The following SAMMSON variants were observed in gnomAD, a reference collection of about 807,000 sequenced individuals.
SAMMSON encodes the protein survival associated mitochondrial melanoma specific oncogenic non-coding RNA, also known as long intergenic non-protein coding RNA 1212.
intron 7 of SAMMSON, among the ~76,000 whole-genome samples, chr3:70,303,471 T>G (rs778852887): frequency 6.6e-6 from 1 of 152,300 alleles, no homozygotes; most frequent in Middle Eastern, 3.4e-3. Context: ...TATCTTGCTC[T>G]TAGGCTCACC....
intron 9 of SAMMSON, among the ~76,000 whole-genome samples, chr3:70,384,569 C>G (rs1488948702): frequency 6.6e-6 from 1 of 151,950 alleles, no homozygotes; most frequent in Non-Finnish European, 1.5e-5. Context: ...GGGCTTGAGG[C>G]AAATTATTGT....
chr3:70,353,553 TA>T (rs534027694), intron 7 of SAMMSON, among the ~76,000 whole-genome samples: 267 of 151,484 alleles, frequency 1.8e-3, no homozygotes, highest in African/African-American at 6.2e-3. Context: ...ATGGCTAAAA[TA>T]AAAAAAATAG....
chr3:70,096,322 T>C (rs2067322700), intron 4 of SAMMSON, among the ~76,000 whole-genome samples: 1 of 152,140 alleles, frequency 6.6e-6, no homozygotes, highest in Non-Finnish European at 1.5e-5. Flanking sequence ...GGTGGAAGGA[T>C]AGCTTGAGGC....
intron 1 of SAMMSON, among the ~76,000 whole-genome samples, chr3:70,011,148 A>G (rs1244886749): frequency 6.6e-6 from 1 of 152,162 alleles, no homozygotes; most frequent in Non-Finnish European, 1.5e-5. Flanking sequence ...GATACATAAT[A>G]GTTTTACATA....
intron 2 of SAMMSON, among the ~76,000 whole-genome samples, chr3:70,428,879 T>C (rs927276835): frequency 6.6e-5 from 10 of 152,360 alleles, no homozygotes; most frequent in East Asian, 5.8e-4. Context: ...TCAGTAATTA[T>C]ACAATGTCAA....
At chr3:70,202,889 A>G (rs1375980391) in intron 4 of SAMMSON, among the ~76,000 whole-genome samples, 2 of 152,106 alleles carry the variant, frequency 1.3e-5, no homozygotes, top group African/African-American at 2.4e-5. Flanking sequence ...ATTAGAGTGG[A>G]AAAGGTGGCA....
At chr3:70,291,595 G>T (rs1702240378) in intron 7 of SAMMSON, among the ~76,000 whole-genome samples, 1 of 152,014 alleles carries the variant, frequency 6.6e-6, no homozygotes, top group Non-Finnish European at 1.5e-5. Context: ...CACAGTGCTG[G>T]GAACATCGGA....
intron 2 of SAMMSON, among the ~76,000 whole-genome samples, chr3:70,395,891 A>G (rs1203447715): frequency 6.6e-6 from 1 of 152,160 alleles, no homozygotes; most frequent in Non-Finnish European, 1.5e-5. Context: ...TGGAAACCAG[A>G]CAACCTGGGT....
intron 3 of SAMMSON, among the ~76,000 whole-genome samples, chr3:70,038,479 A>C (rs188859142): frequency 6.6e-6 from 1 of 152,134 alleles, no homozygotes; most frequent in Admixed American, 6.6e-5. Context: ...CATGAGCCAC[A>C]TAAACATCTT....
At chr3:70,266,365 AC>A (rs1701917186) in intron 6 of SAMMSON, among the ~76,000 whole-genome samples, 1 of 152,000 alleles carries the variant, frequency 6.6e-6, no homozygotes, top group African/African-American at 2.4e-5. Flanking sequence ...TTTTGGGGCA[AC>A]TGTAACTGCT....
chr3:70,089,443 G>T (rs1293385367), intron 4 of SAMMSON, among the ~76,000 whole-genome samples: 2 of 151,098 alleles, frequency 1.3e-5, no homozygotes, highest in African/African-American at 4.9e-5. Flanking sequence ...AGGTTATTCA[G>T]CTTGGACGTA....
chr3:70,108,524 G>T (rs932788853), intron 4 of SAMMSON, among the ~76,000 whole-genome samples: 4 of 145,084 alleles, frequency 2.8e-5, no homozygotes, highest in Non-Finnish European at 4.5e-5. Flanking sequence ...AAGCCACATC[G>T]CACAGGCTGA....
In SAMMSON at chr3:70,428,871, A is replaced by G. The variant is rs140575232; in HGVS notation, n.234-33689A>G. ...TCATTCACTCAGCAAATACTTACTCAGTAATTATACAATGTCAAAGACTGG... is the reference window on the plus strand; with the variant it reads ...TCATTCACTCAGCAAATACTTACTCGGTAATTATACAATGTCAAAGACTGG... On this transcript the variant is annotated intron_variant and non_coding_transcript_variant, in intron 2 of 3. Transcript: ENST00000641053. Among the ~76,000 whole-genome samples, 412 of 152,310 alleles carry G rather than the reference A, an allele frequency of 2.7e-3. 4 individuals carry two copies. The highest frequency in any genetic ancestry group is 9.6e-3 in the African/African-American group (397 of 41,564).
intron 4 of SAMMSON, among the ~76,000 whole-genome samples, chr3:70,233,981 T>C (rs8180009): frequency 0.11 from 17,104 of 152,204 alleles, 1,661 homozygotes; most frequent in African/African-American, 0.27. Context: ...GATATTTCTC[T>C]TGGCTAAAAC....
At chr3:70,187,658 G>T (rs1399078537) in intron 4 of SAMMSON, among the ~76,000 whole-genome samples, 1 of 151,366 alleles carries the variant, frequency 6.6e-6, no homozygotes, top group Admixed American at 6.6e-5. Context: ...GGATGGTCTC[G>T]ATCTCCTGAC....
intron 4 of SAMMSON, chr3:70,204,949 A>T (rs1029047924): frequency 2.6e-5 from 4 of 152,102 alleles, no homozygotes; most frequent in Admixed American, 1.3e-4. Context: ...ATGCTGTAGC[A>T]TCAAGATGCT....
rs116328469 is a variant in SAMMSON, at chr3:70,426,546, T to A, written n.234-36014T>A. On this transcript the variant is annotated intron_variant and non_coding_transcript_variant, in intron 2 of 3. Coordinates refer to the SAMMSON transcript ENST00000641053. ...AAAAGTAGGGGATTTGGTTCTGGATTTTCTCCTGCTTCTTCCTCCTCCTCT... is the reference window on the plus strand; with the variant it reads ...AAAAGTAGGGGATTTGGTTCTGGATATTCTCCTGCTTCTTCCTCCTCCTCT... Among the ~76,000 whole-genome samples the A allele has an allele frequency of 3.0e-3, 453 of 152,310 alleles. 6 individuals carry two copies. The highest frequency in any genetic ancestry group is 0.01 in the African/African-American group (432 of 41,566).
chr3:70,035,297 G>C (rs910361981), intron 3 of SAMMSON, among the ~76,000 whole-genome samples: 1 of 152,104 alleles, frequency 6.6e-6, no homozygotes, highest in African/African-American at 2.4e-5. Flanking sequence ...ACAGCACACT[G>C]AGTGCTTTTC....
intron 4 of SAMMSON, among the ~76,000 whole-genome samples, chr3:70,190,498 T>C (rs143387355): frequency 2.6e-5 from 4 of 152,236 alleles, no homozygotes; most frequent in Non-Finnish European, 5.9e-5. Flanking sequence ...TTACCTGAAG[T>C]TGGGCAGTAG....
Sources: allele counts gnomAD v4.1 joint callset (sites outside exome capture counted in the v4.1 genomes callset), GRCh38; gene constraint gnomAD v4.1.1; transcripts MANE v1.5; gene names NCBI Gene and HGNC (gene_info 2026-07-23, HGNC 2026-07-21).